PPP1R36: variants seen among roughly 807,000 people sequenced by gnomAD.
PPP1R36 encodes protein phosphatase 1 regulatory subunit 36.
Under a neutral mutation model 53.4 loss-of-function variants are expected in PPP1R36, and 47 were observed. The observed-to-expected ratio is 0.88, with a 90% confidence interval of 0.70 to 1.12. The LOEUF is 1.12. Among genes scored for constraint, PPP1R36 ranks in the 50% most tolerant of loss-of-function variants. The pLI is 0.00. For missense variants in PPP1R36, 456 were observed against 513.9 expected (o/e 0.89, Z 1.09); for synonymous variants, 153 against 170.5 (o/e 0.90, Z 0.80).
chr14:64,582,270 G>C (rs1349041444), intron 8 of PPP1R36, among the ~76,000 whole-genome samples: 1 of 152,258 alleles, frequency 6.6e-6, no homozygotes, highest in Non-Finnish European at 1.5e-5. Context: ...GGGGGCAAGT[G>C]GGGGAGCACA....
rs569427706 is a variant in PPP1R36 at position 64,579,830 on chromosome 14, C to T, written c.668+5241C>T. Reference sequence around the variant, plus strand: ...CTAAAAATACAAAAAATTAGCCGGGCGTGGTGGCGGGCGCCTGTAGTCCCA... The same window carrying T: ...CTAAAAATACAAAAAATTAGCCGGGTGTGGTGGCGGGCGCCTGTAGTCCCA... On this transcript the variant is annotated intron_variant, in intron 8 of 11. Transcript: ENST00000298705. Among the ~76,000 whole-genome samples, 13 of 152,102 alleles carry T rather than the reference C, an allele frequency of 8.5e-5. No homozygotes were observed. The East Asian group carries it at 9.7e-4, about 11-fold the overall frequency.
At chr14:64,579,183 G>C (rs775786113) in intron 8 of PPP1R36, among the ~76,000 whole-genome samples, 1 of 152,118 alleles carries the variant, frequency 6.6e-6, no homozygotes, top group African/African-American at 2.4e-5. Context: ...ATACCTGAGC[G>C]ATGTGATAAT....
At chr14:64,550,390 C>T (rs2080084951) in intron 1 of PPP1R36, 4 of 724,948 alleles carry the variant, frequency 5.5e-6, no homozygotes, top group Non-Finnish European at 7.4e-6. Context: ...GATAGAAAGG[C>T]TGGTGGGTGC....
chr14:64,556,127 A>ATTTTTTT (rs35877479), intron 3 of PPP1R36, among the ~76,000 whole-genome samples: 1 of 125,410 alleles, frequency 8.0e-6, no homozygotes. Flanking sequence ...TTGTAGATTG[A>ATTTTTTT]TTTTTTTTTT....
rs201156153 is a variant in PPP1R36 at position 64,565,835 on chromosome 14, A to G, written c.434+143A>G. ...AGCCATCCTCTCAGGACCTAGTCAC[A>G]AAGACTGCGACCAAAGAGTCAGGGA... is the stretch of plus-strand genomic sequence containing the variant. On this transcript the variant is annotated intron_variant, in intron 6 of 11. Transcript: ENST00000298705. 3.9e-5 allele frequency: 26 copies of G among 658,334 alleles called. No individual in the cohort carries two copies. In the East Asian group the frequency reaches 7.1e-4, roughly 18 times the overall value. The allele number at this position is 658,334 out of a possible 1,614,324, so 40.8% of individuals were successfully genotyped here.
chr14:64,572,154 A>AT (rs907354613), intron 7 of PPP1R36, among the ~76,000 whole-genome samples: 9 of 152,170 alleles, frequency 5.9e-5, no homozygotes, highest in Non-Finnish European at 2.9e-5. Context: ...ATTTTGGATG[A>AT]TTTTTTTAAA....
At chr14:64,567,187 A>G (rs1053601931) in intron 6 of PPP1R36, among the ~76,000 whole-genome samples, 9 of 152,248 alleles carry the variant, frequency 5.9e-5, no homozygotes, top group Non-Finnish European at 1.0e-4. Flanking sequence ...ATGCCAGAGA[A>G]AGAATTTCCA....
At chr14:64,550,612 G>A (rs1345494811) in intron 1 of PPP1R36, among the ~76,000 whole-genome samples, 2 of 151,968 alleles carry the variant, frequency 1.3e-5, no homozygotes, top group Admixed American at 1.3e-4. Flanking sequence ...CCCTTCCTCC[G>A]CTGCTTCTTT....
chr14:64,586,588 A>T (rs925828002), intron 8 of PPP1R36: 4 of 354,938 alleles, frequency 1.1e-5, no homozygotes, highest in Middle Eastern at 7.3e-4. Context: ...ACATTTCCTC[A>T]CTGGTTTGTT....
Position 64,572,775 on chromosome 14 carries a change from C to T in PPP1R36, c.534-1680C>T, listed in dbSNP as rs544993625. ...ATTGGCCTAAAAGCTTCAAGGCATT[C>T]CTTGGTGGCTGTAGTTTGATTTGGT... On this transcript the variant is annotated intron_variant, in intron 7 of 11. Transcript: ENST00000298705. Among the ~76,000 whole-genome samples the T allele has an allele frequency of 2.6e-5, 4 of 152,276 alleles. No homozygotes were observed. The South Asian group carries it at 8.3e-4, about 32-fold the overall frequency.
intron 8 of PPP1R36, among the ~76,000 whole-genome samples, chr14:64,581,152 A>G (rs937307115): frequency 1.3e-5 from 2 of 152,192 alleles, no homozygotes; most frequent in African/African-American, 4.8e-5. Context: ...GAGGTTATAT[A>G]TTGGTTTGGA....
rs577461447 is a variant in PPP1R36 at position 64,553,931 on chromosome 14, G to A, written c.182+1070G>A. ...AAGGAATTATTATGAAGAGCAGATC[G>A]GGGTGAGCCAGCCTGTTTTTGGTAG... On this transcript the variant is annotated intron_variant, in intron 3 of 11. Transcript: ENST00000298705. Among the ~76,000 whole-genome samples, 84 of 152,032 alleles carry A rather than the reference G, an allele frequency of 5.5e-4. 1 individual carries two copies. The highest frequency in any genetic ancestry group is 3.3e-3 in the South Asian group (16 of 4,808).
chr14:64,554,399 C>A (rs896283416), intron 3 of PPP1R36, among the ~76,000 whole-genome samples: 18 of 152,276 alleles, frequency 1.2e-4, no homozygotes, highest in African/African-American at 3.9e-4. Context: ...GATCCACCCA[C>A]CTCGGCCTCC....
chr14:64,552,974 A>AT, intron 3 of PPP1R36, 113 bp downstream of exon 3: 5 of 977,676 alleles, frequency 5.1e-6, no homozygotes, highest in East Asian at 5.4e-5. Flanking sequence ...ATTAAGTGCC[A>AT]ATTTTTTTTT....
intron 8 of PPP1R36, among the ~76,000 whole-genome samples, chr14:64,576,842 G>C (rs2080345521): frequency 6.6e-6 from 1 of 152,142 alleles, no homozygotes. Context: ...TTCTGTTATG[G>C]AGTTGACAAG....
chr14:64,569,949 A>G (rs891769422), intron 7 of PPP1R36, among the ~76,000 whole-genome samples: 2 of 151,226 alleles, frequency 1.3e-5, no homozygotes, highest in South Asian at 2.1e-4. Context: ...ATGTTGGCCA[A>G]TCTGGTCTCG....
intron 2 of PPP1R36, among the ~76,000 whole-genome samples, chr14:64,551,481 C>T (rs191456085): frequency 2.5e-4 from 38 of 152,270 alleles, no homozygotes; most frequent in Admixed American, 1.4e-3. Context: ...TGATTCTAAT[C>T]TCTATGAAAA....
Position 64,550,942 on chromosome 14 carries a change from A to T in PPP1R36, c.91A>T (p.Met31Leu). Residue 31 changes from methionine to leucine, a missense_variant, in exon 2 of 12, where the codon ATG (methionine) becomes TTG (leucine). Physicochemically the swap from Met to Leu is conservative, Grantham distance 15. Transcript: ENST00000298705. ...ACAGCAGTTGGGATTACGATTAGGG[A>T]TGTGGTACTGGAAAGATGAAACCAG... The part of the protein sequence containing the change: ...LMDQLGLRLG[M>L]WYWKDETRTL... 1 of 1,610,224 alleles carries T rather than the reference A, an allele frequency of 6.2e-7. No individual in the cohort carries two copies. The highest frequency in any genetic ancestry group is 8.5e-7 in the Non-Finnish European group (1 of 1,178,440).
chr14:64,564,037 G>A (rs899978986), intron 3 of PPP1R36, among the ~76,000 whole-genome samples: 5 of 152,134 alleles, frequency 3.3e-5, no homozygotes, highest in Non-Finnish European at 2.9e-5. Flanking sequence ...GCAGATCGTC[G>A]GTATAGATTT....
Sources: gnomAD v4.1 joint callset for allele counts (sites outside exome capture counted in the v4.1 genomes callset) on GRCh38, gnomAD v4.1.1 for gene constraint, MANE v1.5 for transcripts, NCBI Gene and HGNC (gene_info 2026-07-23, HGNC 2026-07-21) for gene names.